The following KCNQ1 variants were observed in gnomAD, a reference collection of about 807,000 sequenced individuals.
KCNQ1 encodes the protein potassium voltage-gated channel subfamily Q member 1.
Under a neutral mutation model 72.4 loss-of-function variants are expected in KCNQ1, and 49 were observed. That is an observed-to-expected ratio of 0.68 (90% CI 0.54 to 0.86). The LOEUF is 0.86. Ranked by LOEUF, KCNQ1 falls within the 40% of genes least tolerant of loss-of-function variation. The probability of loss-of-function intolerance (pLI) is 0.00; values close to 1 mark genes in which losing one functional copy is unlikely to be tolerated. For missense variants in KCNQ1, 790 were observed against 945.1 expected (o/e 0.84, Z 2.15); for synonymous variants, 450 against 412.6 (o/e 1.09, Z -1.10).
rs1179468949 is a variant in KCNQ1, at chr11:2,571,423, T to TC, written c.683+26dup. The TC allele has an allele frequency of 1.9e-6, 3 of 1,573,600 alleles. No homozygotes were observed. Among genetic ancestry groups the TC allele is most frequent in the Admixed American group, 1.8e-5 (1 of 56,738 alleles). The stretch of plus-strand genomic sequence containing the variant: ...CATCAGGTGCGTCTGTGCCACAAGC[T>TC]CCCCCCGCCATGCCGCCCCACCCCG... On this transcript the variant is annotated intron_variant, in intron 4 of 15. Coordinates refer to ENST00000155840, the MANE Select transcript of KCNQ1 (RefSeq NM_000218.3).
intron 6 of KCNQ1, among the ~76,000 whole-genome samples, chr11:2,580,307 C>T (rs938823992): frequency 6.6e-6 from 1 of 152,030 alleles, no homozygotes; most frequent in East Asian, 1.9e-4. Flanking sequence ...CCTTGGTGCC[C>T]CTGACGGAGA....
chr11:2,612,496 A>T lies in KCNQ1; in HGVS notation c.1393+23642A>T. 2.5e-6 allele frequency: 1 copy of T among 398,476 alleles called. No homozygotes were observed. Among genetic ancestry groups the T allele is most frequent in the South Asian group, 1.3e-4 (1 of 7,858 alleles). 24.7% of individuals were successfully genotyped at this position (398,476 alleles called of 1,614,324 possible). On this transcript the variant is annotated intron_variant, in intron 10 of 15. Transcript: ENST00000155840. The surrounding 1 kb of genome is among the most constrained non-coding windows in gnomAD (Gnocchi z 5.5). ...TATGGATCTGCGTTGAAGTTCATTG[A>T]TTCTTTCTTCTGCCAGGTCAAATTT...
chr11:2,716,189 G>A (rs1289909595), intron 11 of KCNQ1, among the ~76,000 whole-genome samples: 2 of 152,142 alleles, frequency 1.3e-5, no homozygotes, highest in Non-Finnish European at 2.9e-5. Flanking sequence ...TGGAGGGGTC[G>A]TGAATAACCC....
chr11:2,582,921 A>C (rs1281572121), intron 6 of KCNQ1, among the ~76,000 whole-genome samples: 2 of 152,042 alleles, frequency 1.3e-5, no homozygotes, highest in Non-Finnish European at 2.9e-5. Flanking sequence ...CACCAAGAAG[A>C]AGGCTTGAGC....
chr11:2,733,861 C>CA (rs1182307011), intron 11 of KCNQ1, among the ~76,000 whole-genome samples: 1 of 117,820 alleles, frequency 8.5e-6, no homozygotes, highest in African/African-American at 3.5e-5. Flanking sequence ...CTCTCTCCCC[C>CA]CCCACTTCAG....
rs1025405731 is a variant in KCNQ1 at position 2,749,548 on chromosome 11, G to A, written c.1515-19296G>A. ...GGCTTGGCCGGGCGTGCTGCCTCAC[G>A]CCTGTAATCTCAGCACTTTGGGAGG... On this transcript the variant is annotated intron_variant, in intron 11 of 15. Transcript: ENST00000155840. Among the ~76,000 whole-genome samples, 9 of 151,080 alleles carry A rather than the reference G, an allele frequency of 6.0e-5. No homozygotes were observed. The South Asian group carries it at 8.3e-4, about 14-fold the overall frequency.
chr11:2,790,291 TG>T (rs1225710617), intron 15 of KCNQ1, among the ~76,000 whole-genome samples: 15 of 152,296 alleles, frequency 9.8e-5, no homozygotes, highest in African/African-American at 3.6e-4. Flanking sequence ...GAGCTGGCAT[TG>T]CCTCTGGTTC....
In KCNQ1 at chr11:2,715,206, G is replaced by T. The variant is rs1489475038; in HGVS notation, c.1514+53125G>T. Reference sequence around the variant, plus strand: ...GCCACCCGCTCCATTTACAGCCAAGGAGCCTCAGTAGAGACACAGCTAGAA... The same window carrying T: ...GCCACCCGCTCCATTTACAGCCAAGTAGCCTCAGTAGAGACACAGCTAGAA... On this transcript the variant is annotated intron_variant, in intron 11 of 15. Transcript: ENST00000155840. This position sits in a 1 kb window ranked among gnomAD's most constrained non-coding sequence, Gnocchi z 4.9. Among the ~76,000 whole-genome samples, 2 of 152,156 alleles carry T rather than the reference G, an allele frequency of 1.3e-5. No individual in the cohort carries two copies. Among genetic ancestry groups the T allele is most frequent in the African/African-American group, 4.8e-5 (2 of 41,432 alleles).
chr11:2,837,423 G>A (rs1487336072), intron 15 of KCNQ1, among the ~76,000 whole-genome samples: 1 of 152,202 alleles, frequency 6.6e-6, no homozygotes, highest in Non-Finnish European at 1.5e-5. Flanking sequence ...AGACACGCCC[G>A]GGCCTGAGCC....
chr11:2,667,387 C>G (rs1237488222), intron 11 of KCNQ1: 2 of 398,682 alleles, frequency 5.0e-6, no homozygotes, highest in Non-Finnish European at 8.8e-6. Flanking sequence ...TGCCCCAGTG[C>G]ACTCTGGCCA....
chr11:2,622,178 A>G (rs1849184607), intron 10 of KCNQ1: 1 of 398,206 alleles, frequency 2.5e-6, no homozygotes. Context: ...TTATTGTAGA[A>G]CTGTCTTTCT....
At chr11:2,793,308 TC>T (rs1279196503) in intron 15 of KCNQ1, among the ~76,000 whole-genome samples, 3 of 152,128 alleles carry the variant, frequency 2.0e-5, no homozygotes, top group Non-Finnish European at 2.9e-5. Context: ...CCGAGCTTTC[TC>T]CAGAACCCAG....
intron 8 of KCNQ1, among the ~76,000 whole-genome samples, chr11:2,586,465 G>A (rs534368185): frequency 3.3e-5 from 5 of 152,342 alleles, no homozygotes; most frequent in African/African-American, 9.6e-5. Flanking sequence ...CGCCTGGCAG[G>A]GGACCACATT....
Position 2,547,947 on chromosome 11 carries a change from C to T in KCNQ1, c.477+19929C>T, listed in dbSNP as rs1483537731. On this transcript the variant is annotated intron_variant, in intron 2 of 15. Coordinates refer to ENST00000155840, the MANE Select transcript of KCNQ1 (RefSeq NM_000218.3). The surrounding 1 kb of genome is among the most constrained non-coding windows in gnomAD (Gnocchi z 4.2). The stretch of plus-strand genomic sequence containing the variant: ...CGCGGGTGGAGGGAGCTGTGAGGAG[C>T]CTGTAGCATTCAGAGACAGGGGAGC... Among the ~76,000 whole-genome samples the T allele has an allele frequency of 6.6e-6, 1 of 152,134 alleles. No individual in the cohort carries two copies. Among genetic ancestry groups the T allele is most frequent in the Non-Finnish European group, 1.5e-5 (1 of 68,028 alleles).
intron 11 of KCNQ1, among the ~76,000 whole-genome samples, chr11:2,719,067 C>T (rs1851156814): frequency 5.3e-5 from 8 of 152,210 alleles, no homozygotes; most frequent in Admixed American, 2.6e-4. Context: ...TGTGCTGGGG[C>T]AGGAGGCCCT....
At chr11:2,527,893 G>T in intron 1 of KCNQ1, 35 bp from the exon 2 acceptor site, 1 of 1,586,992 alleles carries the variant, frequency 6.3e-7, no homozygotes, top group Non-Finnish European at 8.7e-7. Flanking sequence ...ATGGGCAGAG[G>T]CCGTGATGCT....
chr11:2,793,485 G>T (rs183032723), intron 15 of KCNQ1, among the ~76,000 whole-genome samples: 4 of 129,298 alleles, frequency 3.1e-5, no homozygotes, highest in African/African-American at 1.1e-4. Context: ...TTAGCCAAGC[G>T]TGATGGTGTG....
chr11:2,708,380 C>T (rs1201256403), intron 11 of KCNQ1, among the ~76,000 whole-genome samples: 1 of 152,198 alleles, frequency 6.6e-6, no homozygotes, highest in African/African-American at 2.4e-5. Context: ...CCTGAGGCTC[C>T]TTGCTGGCGT....
chr11:2,663,846 C>T lies in KCNQ1; in HGVS notation c.1514+1765C>T, dbSNP rs1254744698. 2.5e-6 allele frequency: 1 copy of T among 398,464 alleles called. No homozygotes were observed. The highest frequency in any genetic ancestry group is 4.4e-6 in the Non-Finnish European group (1 of 226,084). 24.7% of individuals were successfully genotyped at this position (398,464 alleles called of 1,614,324 possible). Reference sequence around the variant, plus strand: ...TGCTGGTATCAGCACATGCCAAGCTCCCTGGAGCCAGAGGTTACCCACCTG... The same window carrying T: ...TGCTGGTATCAGCACATGCCAAGCTTCCTGGAGCCAGAGGTTACCCACCTG... On this transcript the variant is annotated intron_variant, in intron 11 of 15. Coordinates refer to ENST00000155840, the MANE Select transcript of KCNQ1 (RefSeq NM_000218.3). This position sits in a 1 kb window ranked among gnomAD's most constrained non-coding sequence, Gnocchi z 5.2.
Sources: gnomAD v4.1 joint callset for allele counts (sites outside exome capture counted in the v4.1 genomes callset) on GRCh38, gnomAD v4.1.1 for gene constraint, Gnocchi (gnomAD v3.1) non-coding constraint, MANE v1.5 for transcripts, NCBI Gene and HGNC (gene_info 2026-07-23, HGNC 2026-07-21) for gene names.